PDS5B: variants seen among roughly 807,000 people sequenced by gnomAD.
PDS5B encodes sister chromatid cohesion protein PDS5 homolog B.
PDS5B carries 51 observed loss-of-function variants against 184.1 expected under a neutral mutation model. The ratio of observed to expected loss-of-function variants is 0.28; its 90% confidence interval spans 0.22 to 0.35. PDS5B has a LOEUF of 0.35. PDS5B is among the 10% of genes least tolerant of loss of function. The probability of loss-of-function intolerance (pLI) is 1.00; values close to 1 mark genes in which losing one functional copy is unlikely to be tolerated. For synonymous variants in PDS5B, 566 were observed against 569.2 expected (o/e 0.99, Z 0.08); for missense variants, 1,180 against 1,723.3 (o/e 0.68, Z 5.58).
At chr13:32,679,080 A>T (rs2140788387) in intron 10 of PDS5B, 151 bp downstream of exon 10, 1 of 362,130 alleles carries the variant, frequency 2.8e-6, no homozygotes. Flanking sequence ...CTGAAGCTAG[A>T]TTTTTTTTTT....
intron 19 of PDS5B, among the ~76,000 whole-genome samples, chr13:32,716,453 C>A (rs1014406308): frequency 6.7e-6 from 1 of 149,496 alleles, no homozygotes; most frequent in African/African-American, 2.5e-5. Context: ...AGTGAGGAGC[C>A]CCTCCGCCCG....
intron 2 of PDS5B, among the ~76,000 whole-genome samples, 195 bp from the exon 3 acceptor site, chr13:32,651,609 A>G (rs1260442610): frequency 2.0e-5 from 3 of 152,188 alleles, no homozygotes; most frequent in Non-Finnish European, 2.9e-5. Flanking sequence ...ATGAAAAAAT[A>G]TTTTAGTAAG....
At chr13:32,759,114 T>C (rs887095500) in intron 28 of PDS5B, among the ~76,000 whole-genome samples, 1 of 152,184 alleles carries the variant, frequency 6.6e-6, no homozygotes, top group Non-Finnish European at 1.5e-5. Flanking sequence ...GTAAAAAGTG[T>C]TTCCCACAGT....
chr13:32,695,025 G>A (rs1229840051), intron 14 of PDS5B, among the ~76,000 whole-genome samples: 1 of 151,694 alleles, frequency 6.6e-6, no homozygotes, highest in African/African-American at 2.4e-5. Context: ...ATAGGACAGA[G>A]GTCAATGGAG....
Position 32,773,238 on chromosome 13 carries a change from G to A in PDS5B, c.4222G>A (p.Glu1408Lys), listed in dbSNP as rs1295006162. 6.2e-7 allele frequency: 1 copy of A among 1,613,280 alleles called. No homozygotes were observed. The highest frequency in any genetic ancestry group is 1.1e-5 in the South Asian group (1 of 91,014). The part of the protein sequence containing the change: ...QAATKENDSS[E>K]EVDVFQGSSP... ...AGCTACTAAGGAAAATGATTCAAGT[G>A]AAGAAGTAGATGTGTTTCAGGGTAG... The change falls in exon 34 of 35, where the codon GAA (glutamate) becomes AAA (lysine). Residue 1408 changes from glutamate (E) to lysine (K), a missense_variant. Physicochemically the swap from Glu to Lys is moderately conservative, Grantham distance 56. Coordinates refer to ENST00000315596, the MANE Select transcript of PDS5B (RefSeq NM_015032.4).
At position 32,732,235 on chromosome 13, in the gene PDS5B, A is replaced by C; in HGVS notation, c.2247+11A>C. On this transcript the variant is annotated intron_variant, in intron 20 of 34. Coordinates refer to ENST00000315596, the MANE Select transcript of PDS5B (RefSeq NM_015032.4). Reference sequence around the variant, plus strand: ...GCACAGATATTTGAGGTAATGAGAAAAAAATTTTCTTGTTTATTTCATATG... The same window carrying C: ...GCACAGATATTTGAGGTAATGAGAACAAAATTTTCTTGTTTATTTCATATG... 6.3e-7 allele frequency: 1 copy of C among 1,585,768 alleles called. No individual in the cohort carries two copies. The highest frequency in any genetic ancestry group is 8.6e-7 in the Non-Finnish European group (1 of 1,160,928).
At chr13:32,697,501 G>A (rs1007457694) in intron 15 of PDS5B, among the ~76,000 whole-genome samples, 2 of 152,176 alleles carry the variant, frequency 1.3e-5, no homozygotes, top group Non-Finnish European at 2.9e-5. Flanking sequence ...GATCTGAGAT[G>A]CTAAATATTC....
At chr13:32,649,532 C>T (rs1425650814) in intron 2 of PDS5B, 13 of 152,092 alleles carry the variant, frequency 8.5e-5, no homozygotes, top group East Asian at 5.8e-4. Flanking sequence ...CATTTCCGAT[C>T]GAGGTTGTAT....
At chr13:32,638,558 G>T (rs2140609704) in intron 1 of PDS5B, among the ~76,000 whole-genome samples, 1 of 152,260 alleles carries the variant, frequency 6.6e-6, no homozygotes, top group African/African-American at 2.4e-5. Flanking sequence ...CTGAGGCAGG[G>T]GAGGTATTTG....
At chr13:32,758,975 CT>C (rs1308962217) in intron 28 of PDS5B, among the ~76,000 whole-genome samples, 1 of 151,928 alleles carries the variant, frequency 6.6e-6, no homozygotes, top group Non-Finnish European at 1.5e-5. Context: ...GTTAAAAGCC[CT>C]TTATTGGGAT....
At chr13:32,659,098 G>C (rs1950583713) in intron 5 of PDS5B, 56 bp from the exon 6 acceptor site, 1 of 1,344,690 alleles carries the variant, frequency 7.4e-7, no homozygotes, top group Admixed American at 2.1e-5. Context: ...GTCATCTTAA[G>C]AGTAAATCCT....
intron 19 of PDS5B, among the ~76,000 whole-genome samples, chr13:32,729,788 GTTGT>G (rs1192261403): frequency 6.6e-6 from 1 of 151,876 alleles, no homozygotes; most frequent in Admixed American, 6.6e-5. Context: ...TTTTGATGGA[GTTGT>G]TTTTTTCTTG....
At chr13:32,696,221 T>C (rs1469727932) in intron 14 of PDS5B, among the ~76,000 whole-genome samples, 1 of 152,130 alleles carries the variant, frequency 6.6e-6, no homozygotes, top group Non-Finnish European at 1.5e-5. Context: ...TTAAATACAC[T>C]TGCTCAATGA....
At chr13:32,588,118 C>T (rs889324603) in intron 1 of PDS5B, among the ~76,000 whole-genome samples, 1 of 152,206 alleles carries the variant, frequency 6.6e-6, no homozygotes, top group Non-Finnish European at 1.5e-5. Context: ...AAAGACAGCT[C>T]TTCATGCAGT....
Position 32,688,547 on chromosome 13 carries a change from A to G in PDS5B, c.1447A>G (p.Thr483Ala). The stretch of plus-strand genomic sequence containing the variant: ...GAAATGCTTATATTACTTGTATGCC[A>G]CACTGGATTTAAATGCTGTGAAGTA... ...RMKCLYYLYA[T>A]LDLNAVKALN... is the part of the protein sequence containing the mutation. The change falls in exon 13 of 35, where the codon ACA (threonine) becomes GCA (alanine). Residue 483 changes from threonine (T) to alanine (A), a missense_variant. Physicochemically the swap from Thr to Ala is moderately conservative, Grantham distance 58 (BLOSUM62 0). Transcript: ENST00000315596. 3 of 1,586,068 alleles carry G rather than the reference A, an allele frequency of 1.9e-6. No homozygotes were observed. The highest frequency in any genetic ancestry group is 2.6e-6 in the Non-Finnish European group (3 of 1,154,794).
intron 1 of PDS5B, among the ~76,000 whole-genome samples, chr13:32,632,012 A>G (rs2058463792): frequency 6.6e-6 from 1 of 152,210 alleles, no homozygotes. Flanking sequence ...GGATTTCCAC[A>G]TGCAAAAGAA....
At chr13:32,754,999 A>G (rs1954123260) in intron 25 of PDS5B, among the ~76,000 whole-genome samples, 1 of 152,164 alleles carries the variant, frequency 6.6e-6, no homozygotes, top group South Asian at 2.1e-4. Flanking sequence ...CAGATTTTGA[A>G]CTGTGTTACC....
chr13:32,620,666 A>C (rs2140534380), intron 1 of PDS5B, among the ~76,000 whole-genome samples: 1 of 152,240 alleles, frequency 6.6e-6, no homozygotes, highest in Non-Finnish European at 1.5e-5. Flanking sequence ...CAAAAAAAAA[A>C]AAAAAAAAAG....
chr13:32,681,625 CAA>C (rs1215027589), intron 10 of PDS5B, among the ~76,000 whole-genome samples: 2 of 135,090 alleles, frequency 1.5e-5, no homozygotes, highest in South Asian at 4.7e-4. Flanking sequence ...GACTCAGTCT[CAA>C]AAAAAAAAAG....
Sources: gnomAD v4.1 joint callset for allele counts (sites outside exome capture counted in the v4.1 genomes callset) on GRCh38, gnomAD v4.1.1 for gene constraint, MANE v1.5 for transcripts, NCBI Gene and HGNC (gene_info 2026-07-23, HGNC 2026-07-21) for gene names.